Variants in LMF1 observed in about 807,000 individuals in gnomAD.
LMF1 encodes transmembrane protein 112.
A neutral mutation model predicts 60.6 loss-of-function variants in LMF1; 68 were observed. The ratio of observed to expected loss-of-function variants is 1.12; its 90% CI spans 0.92 to 1.37. The LOEUF (loss-of-function observed/expected upper bound fraction) is 1.37, where lower values mean the gene tolerates loss of function less well. Among genes scored for constraint, LMF1 ranks in the 40% most tolerant of loss-of-function variants. The pLI is 0.00. For synonymous variants in LMF1, 418 were observed against 324.7 expected, an observed-to-expected ratio of 1.29 and a Z score of -3.09; for missense variants, 948 against 767.2, an observed-to-expected ratio of 1.24 and a Z score of -2.78.
intron 2 of LMF1, among the ~76,000 whole-genome samples, chr16:951,018 C>T (rs1409809477): frequency 6.2e-5 from 9 of 144,982 alleles, no homozygotes; most frequent in Admixed American, 1.4e-4. Context: ...CAGAGTCAGC[C>T]AACGACAGAG....
chr16:948,726 AATGACAGAGTCAGAG>A (rs1377681269), intron 2 of LMF1, among the ~76,000 whole-genome samples: 3,359 of 131,272 alleles, frequency 0.026, 10 homozygotes, highest in African/African-American at 0.031. Flanking sequence ...AGAGTCAGCC[AATGACAGAGTCAGAG>A]ACGACAGAGT....
At chr16:886,613 G>A (rs1244070598) in intron 5 of LMF1, among the ~76,000 whole-genome samples, 4 of 8,640 alleles carry the variant, frequency 4.6e-4, no homozygotes, top group African/African-American at 1.3e-3. Context: ...GGCCCCCGGC[G>A]TTCCCCAGGC....
In LMF1 at chr16:853,679, T is replaced by C. The variant is rs556919325; in HGVS notation, c.*853A>G. ...TGGTATAATAGGAATAGTAGAAGAATATGCCATAGCTATGGCTCAAGAATA... is the reference window on the plus strand; with the variant it reads ...TGGTATAATAGGAATAGTAGAAGAACATGCCATAGCTATGGCTCAAGAATA... On this transcript the variant is annotated 3_prime_UTR_variant, in exon 11 of 11. Coordinates refer to ENST00000262301, the MANE Select transcript of LMF1 (RefSeq NM_022773.4). 2.2e-6 allele frequency: 1 copy of C among 454,066 alleles called. No individual in the cohort carries two copies. Among genetic ancestry groups the C allele is most frequent in the East Asian group, 7.0e-5 (1 of 14,384 alleles). The allele number at this position is 454,066 out of a possible 1,614,324, so 28.1% of individuals were successfully genotyped here. A position where few individuals can be genotyped will look rare whatever the true frequency, so the allele number is the denominator to read the frequency against.
At chr16:867,231 G>C (rs1391111885) in intron 10 of LMF1, among the ~76,000 whole-genome samples, 1 of 152,194 alleles carries the variant, frequency 6.6e-6, no homozygotes, top group African/African-American at 2.4e-5. Flanking sequence ...TTTCACACTT[G>C]GTTTTCACAG....
chr16:859,005 G>A (rs1197422502), intron 10 of LMF1, among the ~76,000 whole-genome samples: 1 of 107,686 alleles, frequency 9.3e-6, no homozygotes, highest in Non-Finnish European at 1.8e-5. Flanking sequence ...GTCACGGGAC[G>A]CGTGTGCAGT....
intron 4 of LMF1, among the ~76,000 whole-genome samples, chr16:896,720 C>A (rs902839170): frequency 7.9e-5 from 12 of 152,190 alleles, no homozygotes; most frequent in African/African-American, 2.7e-4. Flanking sequence ...ACCAGCTCTG[C>A]TCCCTGCAGA....
chr16:897,229 C>T lies in LMF1; in HGVS notation c.664-4157G>A, dbSNP rs796970344. Among the ~76,000 whole-genome samples, 25 of 152,194 alleles carry T rather than the reference C, an allele frequency of 1.6e-4. No individual in the cohort carries two copies. The highest frequency in any genetic ancestry group is 4.3e-4 in the African/African-American group (18 of 41,440). On this transcript the variant is annotated intron_variant, in intron 4 of 10. Transcript: ENST00000262301. This position sits in a 1 kb window ranked among gnomAD's most constrained non-coding sequence, Gnocchi z 4.3. Reference sequence around the variant, plus strand: ...CATCTGGAAACTCGAAGTGTCTTGACGGTCGTATGCGGAGAAGGAGACACT... The same window carrying T: ...CATCTGGAAACTCGAAGTGTCTTGATGGTCGTATGCGGAGAAGGAGACACT...
intron 1 of LMF1, among the ~76,000 whole-genome samples, chr16:967,671 G>A (rs1389943770): frequency 6.6e-6 from 1 of 152,254 alleles, no homozygotes; most frequent in African/African-American, 2.4e-5. Context: ...CGACCACCTC[G>A]GGCAGCCTCG....
intron 5 of LMF1, among the ~76,000 whole-genome samples, chr16:881,942 A>G (rs1034012206): frequency 7.9e-5 from 12 of 152,296 alleles, no homozygotes; most frequent in Non-Finnish European, 1.2e-4. Flanking sequence ...GCTTATGCTT[A>G]TCAGGTGAGG....
chr16:885,819 G>C (rs986638381), intron 5 of LMF1, among the ~76,000 whole-genome samples: 3 of 152,172 alleles, frequency 2.0e-5, no homozygotes, highest in African/African-American at 7.2e-5. Flanking sequence ...TGATAAAACA[G>C]GCAGAAAATG....
chr16:874,594 A>G lies in LMF1; in HGVS notation c.898-3253T>C, dbSNP rs1002600295. Reference sequence around the variant, plus strand: ...CCAGGGCCCCGCGGAACCCTCCGGAACAGCTGTGTAAACTGCGTGGGAGGA... The same window carrying G: ...CCAGGGCCCCGCGGAACCCTCCGGAGCAGCTGTGTAAACTGCGTGGGAGGA... On this transcript the variant is annotated intron_variant, in intron 6 of 10. Coordinates refer to ENST00000262301, the MANE Select transcript of LMF1 (RefSeq NM_022773.4). The surrounding 1 kb of genome is among the most constrained non-coding windows in gnomAD (Gnocchi z 4.1). Among the ~76,000 whole-genome samples the G allele has an allele frequency of 6.6e-6, 1 of 152,154 alleles. No homozygotes were observed. The highest frequency in any genetic ancestry group is 1.5e-5 in the Non-Finnish European group (1 of 68,006).
chr16:869,330 G>A (rs1843758958), intron 9 of LMF1: 1 of 658,236 alleles, frequency 1.5e-6, no homozygotes, highest in Non-Finnish European at 2.8e-6. Flanking sequence ...TCTGGGCCTT[G>A]CCTCCCTGAG....
At chr16:926,446 T>C (rs147525699) in intron 3 of LMF1, among the ~76,000 whole-genome samples, 4 of 152,368 alleles carry the variant, frequency 2.6e-5, no homozygotes, top group Middle Eastern at 3.4e-3. Flanking sequence ...TGCTCGTGTG[T>C]TTGCACAGGA....
intron 3 of LMF1, chr16:931,890 A>G (rs1242902117): frequency 1.0e-6 from 1 of 1,002,842 alleles, no homozygotes; most frequent in Non-Finnish European, 1.3e-6. Flanking sequence ...CTGAGTCCCT[A>G]CAATTACCAC....
At chr16:914,529 A>ATCC (rs1567230735) in intron 3 of LMF1, among the ~76,000 whole-genome samples, 1 of 130,602 alleles carries the variant, frequency 7.7e-6, no homozygotes, top group East Asian at 2.3e-4. Flanking sequence ...TTGGTGACAC[A>ATCC]CTCCCTCCCT....
intron 4 of LMF1, among the ~76,000 whole-genome samples, chr16:893,743 C>T (rs1044599809): frequency 2.6e-5 from 4 of 152,044 alleles, no homozygotes; most frequent in African/African-American, 4.8e-5. Flanking sequence ...CTCCCACACC[C>T]GTCTGCTTTC....
chr16:944,382 T>C (rs553982557), intron 2 of LMF1, among the ~76,000 whole-genome samples: 2 of 152,344 alleles, frequency 1.3e-5, no homozygotes, highest in Non-Finnish European at 2.9e-5. Context: ...GTGATGTCTG[T>C]GTTAGCTCCT....
intron 5 of LMF1, among the ~76,000 whole-genome samples, chr16:891,287 C>T (rs1226617041): frequency 8.5e-5 from 13 of 152,208 alleles, no homozygotes; most frequent in South Asian, 4.1e-4. Context: ...TCCTGGGGAT[C>T]CTGAGACACT....
chr16:979,565 A>G (rs2073279512), intron 1 of LMF1: 1 of 444,632 alleles, frequency 2.2e-6, no homozygotes. Flanking sequence ...CCCCAACCTC[A>G]GTCTCCCTTC....
Sources: allele counts gnomAD v4.1 joint callset (sites outside exome capture counted in the v4.1 genomes callset), GRCh38; gene constraint gnomAD v4.1.1; non-coding constraint Gnocchi (gnomAD v3.1); transcripts MANE v1.5; gene names NCBI Gene and HGNC (gene_info 2026-07-23, HGNC 2026-07-21).